BAIAP2L2: variants seen among roughly 807,000 people sequenced by gnomAD.
BAIAP2L2 encodes BAR/IMD domain containing adaptor protein 2 like 2, also known as BAR/IMD domain-containing adapter protein 2-like 2.
Under a neutral mutation model 60.4 loss-of-function variants are expected in BAIAP2L2, and 65 were observed. The observed-to-expected ratio is 1.08, with a 90% CI of 0.88 to 1.32. BAIAP2L2 has a LOEUF of 1.32. Ranked by LOEUF, BAIAP2L2 falls within the 40% of genes most tolerant of loss-of-function variation. BAIAP2L2 has a pLI of 0.00. For synonymous variants in BAIAP2L2, 344 were observed against 301.7 expected (o/e 1.14, Z -1.45); for missense variants, 836 against 741.2 (o/e 1.13, Z -1.48).
chr22:38,097,413 T>A (rs763103977), intron 6 of BAIAP2L2, among the ~76,000 whole-genome samples: 4 of 152,220 alleles, frequency 2.6e-5, no homozygotes, highest in Non-Finnish European at 5.9e-5. Context: ...GCAGGGCTGC[T>A]GTCTGAGCCT....
chr22:38,098,105 CCACAGCTCAGACATG>C lies in BAIAP2L2; in HGVS notation c.408_422del (p.Cys136_Leu140del). 6.2e-7 allele frequency: 1 copy of C among 1,607,960 alleles called. No individual in the cohort carries two copies. Among genetic ancestry groups the C allele is most frequent in the South Asian group, 1.1e-5 (1 of 90,954 alleles). On this transcript the variant is annotated inframe_deletion, in exon 6 of 14. Coordinates refer to ENST00000381669, the MANE Select transcript of BAIAP2L2 (RefSeq NM_025045.6). ...TCTTGTCTCTCTTGCGCTCCATGCGCCACAGCTCAGACATGCACTTCTCCAGGTTGGCCGCTCGGT... is the reference window on the plus strand; with the variant it reads ...TCTTGTCTCTCTTGCGCTCCATGCGCCACTTCTCCAGGTTGGCCGCTCGGT...
chr22:38,110,588 C>A lies in BAIAP2L2; in HGVS notation c.-63G>T. On this transcript the variant is annotated 5_prime_UTR_variant, in exon 1 of 14. Coordinates refer to ENST00000381669, the MANE Select transcript of BAIAP2L2 (RefSeq NM_025045.6). ...CTGGTGGCGATGGCACAGCCGGGAG[C>A]AGTGGTAGGTAGTCCCTCAGGTGCC... 6.9e-7 allele frequency: 1 copy of A among 1,444,410 alleles called. No homozygotes were observed. The highest frequency in any genetic ancestry group is 9.5e-7 in the Non-Finnish European group (1 of 1,049,204). The allele number at this position is 1,444,410 out of a possible 1,614,324, so 89.5% of individuals were successfully genotyped here.
intron 4 of BAIAP2L2, among the ~76,000 whole-genome samples, chr22:38,103,132 T>C (rs978165682): frequency 3.3e-5 from 5 of 151,830 alleles, no homozygotes; most frequent in African/African-American, 1.2e-4. Context: ...AGGAAGATCA[T>C]TTGAGCCCAG....
intron 7 of BAIAP2L2, chr22:38,090,940 G>A (rs923863221): frequency 1.3e-5 from 2 of 152,252 alleles, no homozygotes; most frequent in Admixed American, 6.5e-5. Flanking sequence ...TAAGTGGACA[G>A]CCCCTCTGTT....
At position 38,086,484 on chromosome 22, in the gene BAIAP2L2, T is replaced by C. The variant is rs115770769; in HGVS notation, c.1260-35A>G. 2,307 of 1,449,282 alleles carry C rather than the reference T, an allele frequency of 1.6e-3. 44 individuals carry two copies. In the African/African-American group the frequency reaches 0.03, roughly 19 times the overall value. The allele number at this position is 1,449,282 out of a possible 1,614,324, so 89.8% of individuals were successfully genotyped here. On this transcript the variant is annotated intron_variant, in intron 11 of 13. Transcript: ENST00000381669. ...GAGAAAGGAGGGGGAAGGAAAGGGGTTGGGGCCTGTCCAATCCCTTGTCCT... is the reference window on the plus strand; with the variant it reads ...GAGAAAGGAGGGGGAAGGAAAGGGGCTGGGGCCTGTCCAATCCCTTGTCCT...
rs775968335 is a variant in BAIAP2L2, at chr22:38,098,166, T to C, written c.362A>G (p.His121Arg). ...TCGGTGGCGGTACTCGAGCTCATAG[T>C]GCTGGCGGCTGTCCTGGGGTAGGGT... ...DMQFIKDSRQ[H>R]YELEYRHRAA... Residue 121 changes from histidine to arginine, a missense_variant, in exon 6 of 14, where the codon CAC becomes CGC. Coordinates refer to ENST00000381669, the MANE Select transcript of BAIAP2L2 (RefSeq NM_025045.6). 5.0e-6 allele frequency: 8 copies of C among 1,614,070 alleles called. No homozygotes were observed. The South Asian group carries it at 6.6e-5, about 13-fold the overall frequency.
Position 38,086,400 on chromosome 22 carries a change from G to T in BAIAP2L2, c.1309C>A (p.Pro437Thr), listed in dbSNP as rs1280531817. 2 of 1,543,508 alleles carry T rather than the reference G, an allele frequency of 1.3e-6. No homozygotes were observed. The highest frequency in any genetic ancestry group is 2.4e-5 in the East Asian group (1 of 42,236). ...TCCGAGGGTGCTATGGAGTTGCCCG[G>T]CCGGTCCAGGAGGTCATCGAGGCTG... ...SHSLDDLLDR[P>T]GNSIAPSEYW... The change falls in exon 12 of 14, where the codon CCG becomes ACG. Residue 437 changes from proline (P) to threonine (T), a missense_variant. Pro to Thr is a conservative substitution (Grantham distance 38). Coordinates refer to ENST00000381669, the MANE Select transcript of BAIAP2L2 (RefSeq NM_025045.6).
rs1284684779 is a variant in BAIAP2L2, at chr22:38,086,304, G to C, written c.1405C>G (p.Pro469Ala). The C allele has an allele frequency of 8.8e-6, 14 of 1,589,450 alleles. No homozygotes were observed. The highest frequency in any genetic ancestry group is 1.2e-5 in the Non-Finnish European group (14 of 1,164,664). ...CTGCGGCGGCTGCTGGGCAAGGGTGGAGGTGCAGGGCTGGGGGCACGGCTT... is the reference window on the plus strand; with the variant it reads ...CTGCGGCGGCTGCTGGGCAAGGGTGCAGGTGCAGGGCTGGGGGCACGGCTT... ...VPSRAPSPAP[P>A]PLPSSRRSSM... The change falls in exon 12 of 14, where the codon CCA becomes GCA. Residue 469 changes from proline to alanine, a missense_variant. Transcript: ENST00000381669.
intron 4 of BAIAP2L2, among the ~76,000 whole-genome samples, chr22:38,099,062 G>C (rs2086510232): frequency 6.6e-6 from 1 of 152,234 alleles, no homozygotes; most frequent in African/African-American, 2.4e-5. Context: ...AGATGGGCCT[G>C]GGAGGTGACA....
intron 5 of BAIAP2L2, 64 bp downstream of exon 5, chr22:38,098,347 G>T: frequency 6.5e-7 from 1 of 1,541,098 alleles, no homozygotes; most frequent in Non-Finnish European, 9.0e-7. Flanking sequence ...GTGCCTACCT[G>T]TCAAATGGGA....
intron 3 of BAIAP2L2, 89 bp from the exon 4 acceptor site, chr22:38,108,002 C>A: frequency 2.2e-6 from 3 of 1,372,774 alleles, no homozygotes; most frequent in Middle Eastern, 2.0e-4. Context: ...CAACAGAGGG[C>A]CTGCCCGAGA....
chr22:38,108,360 A>G lies in BAIAP2L2; in HGVS notation c.128-19T>C, dbSNP rs1231265350. ...GACAGAGCTGTGGACCAGAAGGGAC[A>G]GGTCTGGTCCAGCCCTGCCTCTGCC... On this transcript the variant is annotated intron_variant, in intron 2 of 13. Transcript: ENST00000381669. The G allele has an allele frequency of 1.3e-6, 2 of 1,598,690 alleles. No homozygotes were observed. Among genetic ancestry groups the G allele is most frequent in the East Asian group, 4.5e-5 (2 of 44,680 alleles).
Position 38,086,413 on chromosome 22 carries a change from GTCA to G in BAIAP2L2, c.1293_1295del (p.Asp432del), listed in dbSNP as rs1451329067. On this transcript the variant is annotated inframe_deletion, in exon 12 of 14. Coordinates refer to ENST00000381669, the MANE Select transcript of BAIAP2L2 (RefSeq NM_025045.6). The stretch of plus-strand genomic sequence containing the variant: ...TGGAGTTGCCCGGCCGGTCCAGGAG[GTCA>G]TCGAGGCTGTGGCTGCCCCGGAGTG... 3.9e-6 allele frequency: 6 copies of G among 1,529,752 alleles called. No homozygotes were observed. The African/African-American group carries it at 8.3e-5, about 21-fold the overall frequency. The allele number at this position is 1,529,752 out of a possible 1,614,324, so 94.8% of individuals were successfully genotyped here.
In BAIAP2L2 at chr22:38,097,018, C is replaced by A. The variant is rs2086447585; in HGVS notation, c.612+14G>T. ...CTAGAAGCGCCCCGCTTGCTGCCCC[C>A]CAGTCCAACTCACCCGGCCGAAGAA... On this transcript the variant is annotated intron_variant, in intron 7 of 13. Coordinates refer to ENST00000381669, the MANE Select transcript of BAIAP2L2 (RefSeq NM_025045.6). 1.9e-6 allele frequency: 3 copies of A among 1,605,444 alleles called. No individual in the cohort carries two copies. Among genetic ancestry groups the A allele is most frequent in the South Asian group, 1.1e-5 (1 of 89,988 alleles).
chr22:38,085,200 C>T lies in BAIAP2L2; in HGVS notation c.*100G>A. 1 of 1,339,354 alleles carries T rather than the reference C, an allele frequency of 7.5e-7. No homozygotes were observed. Among genetic ancestry groups the T allele is most frequent in the Non-Finnish European group, 1.0e-6 (1 of 961,020 alleles). 83.0% of individuals were successfully genotyped at this position (1,339,354 alleles called of 1,614,324 possible). ...GGCAGCCACCCCCCGTCTCAGGGAC[C>T]CGCTTCTTGGATCTGCTGCTGTTGC... is the stretch of plus-strand genomic sequence containing the variant. On this transcript the variant is annotated 3_prime_UTR_variant, in exon 14 of 14. Transcript: ENST00000381669.
intron 13 of BAIAP2L2, 109 bp downstream of exon 13, chr22:38,085,577 G>A (rs1268840759): frequency 1.2e-5 from 17 of 1,384,190 alleles, no homozygotes; most frequent in Non-Finnish European, 1.7e-5. Flanking sequence ...TTGAACTGTT[G>A]GAATCAAGAG....
In BAIAP2L2 at chr22:38,089,657, C is replaced by T. The variant is rs1413735031; in HGVS notation, c.630G>A (p.Gln210=). 9 of 1,230,934 alleles carry T rather than the reference C, an allele frequency of 7.3e-6. No individual in the cohort carries two copies. Among genetic ancestry groups the T allele is most frequent in the Non-Finnish European group, 8.1e-6 (8 of 987,320 alleles). 76.3% of individuals were successfully genotyped at this position (1,230,934 alleles called of 1,614,324 possible). The change falls in exon 8 of 14, where the codon CAG becomes CAA. Residue 210 remains glutamine, a synonymous_variant. Transcript: ENST00000381669. ...GCTCCTTCCACAGCAGCACGCGGTT[C>T]TGGAGCATCCCCCGGGCCTGGCCGG... ...QFFGRARGML[Q]NRVLLWKEQS...
Position 38,088,933 on chromosome 22 carries a change from C to T in BAIAP2L2, c.933G>A (p.Ser311=), listed in dbSNP as rs758594123. The stretch of plus-strand genomic sequence containing the variant: ...GGCGCTCGCCAAAGGAGTTGGAGCG[C>T]GAGCTTTGGGCGCTGCCGCTGTAGA... The part of the protein sequence containing the change: ...SSLYSGSAQS[S]RSNSFGERPG... The change falls in exon 10 of 14, where the codon TCG becomes TCA. Residue 311 remains serine (S), a synonymous_variant. Transcript: ENST00000381669. 1.3e-6 allele frequency: 2 copies of T among 1,540,288 alleles called. No homozygotes were observed. The highest frequency in any genetic ancestry group is 1.7e-4 in the Middle Eastern group (1 of 5,842).
chr22:38,089,818 A>C (rs2086237313), intron 7 of BAIAP2L2, 144 bp from the exon 8 acceptor site: 1 of 822,750 alleles, frequency 1.2e-6, no homozygotes, highest in Non-Finnish European at 1.6e-6. Flanking sequence ...GCCAGAAGCC[A>C]GCTCACCGTC....
Sources: gnomAD v4.1 joint callset for allele counts (sites outside exome capture counted in the v4.1 genomes callset) on GRCh38, gnomAD v4.1.1 for gene constraint, MANE v1.5 for transcripts, NCBI Gene and HGNC (gene_info 2026-07-23, HGNC 2026-07-21) for gene names.